The following PHLDB1 variants were observed in gnomAD, a reference collection of about 807,000 sequenced individuals.
The protein encoded by PHLDB1 is pleckstrin homology-like domain family B member 1.
A neutral mutation model predicts 139.3 loss-of-function variants in PHLDB1; 65 were observed. The observed-to-expected ratio is 0.47, with a 90% CI of 0.38 to 0.57. The LOEUF (loss-of-function observed/expected upper bound fraction) is 0.57. PHLDB1 is among the 20% of genes least tolerant of loss of function. The probability of loss-of-function intolerance (pLI) is 0.00; values close to 1 mark genes in which losing one functional copy is unlikely to be tolerated. For synonymous variants in PHLDB1, 679 were observed against 734.5 expected (o/e 0.92, Z 1.22); for missense variants, 1,624 against 1,839.7 (o/e 0.88, Z 2.14).
rs781801132 is a variant in PHLDB1 at position 118,628,460 on chromosome 11, C to G, written c.1637C>G (p.Ser546Cys). Residue 546 changes from serine to cysteine, a missense_variant, in exon 6 of 23, where the codon TCT (serine) becomes TGT (cysteine). Coordinates refer to ENST00000600882, the MANE Select transcript of PHLDB1 (RefSeq NM_001144758.3). ...CTGAGCCCAGCCTACAGTCTGGGCT[C>G]TCTTACTGGGGCTTCACCCTGCCAG... ...GRLSPAYSLG[S>C]LTGASPCQSP... 1.9e-6 allele frequency: 3 copies of G among 1,612,494 alleles called. No individual in the cohort carries two copies. Among genetic ancestry groups the G allele is most frequent in the South Asian group, 2.2e-5 (2 of 90,996 alleles).
At chr11:118,613,549 T>A in intron 1 of PHLDB1, 1 of 812,474 alleles carries the variant, frequency 1.2e-6, no homozygotes, top group Non-Finnish European at 1.6e-6. Flanking sequence ...AGCACAGAAG[T>A]ATAGATTGGG....
chr11:118,637,289 G>T (rs561719105), intron 10 of PHLDB1: 1 of 152,336 alleles, frequency 6.6e-6, no homozygotes, highest in South Asian at 2.1e-4. Flanking sequence ...CTCCTAATGG[G>T]TTCTTAGTAG....
rs900295461 is a variant in PHLDB1 at position 118,623,274 on chromosome 11, T to C, written c.356-1660T>C. ...AGGGGTGTGGACAAATTGGAAGGAT[T>C]GGTGGTAGAGAGCAACAGGGCTCTG... On this transcript the variant is annotated intron_variant, in intron 4 of 22. Transcript: ENST00000600882. Among the ~76,000 whole-genome samples, 4 of 151,974 alleles carry C rather than the reference T, an allele frequency of 2.6e-5. No individual in the cohort carries two copies. The East Asian group carries it at 7.7e-4, about 29-fold the overall frequency.
chr11:118,644,420 G>A (rs1004207147), intron 15 of PHLDB1: 24 of 539,256 alleles, frequency 4.5e-5, no homozygotes, highest in South Asian at 4.3e-4. Flanking sequence ...GCCAATAAGG[G>A]AACTGCTTGT....
chr11:118,642,606 C>T (rs1946765891), intron 13 of PHLDB1, among the ~76,000 whole-genome samples: 1 of 152,248 alleles, frequency 6.6e-6, no homozygotes. Context: ...TAGTCTAAAA[C>T]TATCTGATTG....
chr11:118,635,479 G>A lies in PHLDB1; in HGVS notation c.2466G>A (p.Glu822=). The A allele has an allele frequency of 1.2e-6, 2 of 1,611,642 alleles. No homozygotes were observed. The highest frequency in any genetic ancestry group is 1.1e-5 in the South Asian group (1 of 90,640). The change falls in exon 10 of 23, where the codon GAG becomes GAA. Residue 822 remains glutamate, a synonymous_variant. Coordinates refer to ENST00000600882, the MANE Select transcript of PHLDB1 (RefSeq NM_001144758.3). The part of the protein sequence containing the change: ...QLERESRVEE[E]RELAGQGLLR... The stretch of plus-strand genomic sequence containing the variant: ...AGCGGGAGAGCCGCGTGGAGGAGGA[G>A]CGCGAGCTGGCCGGCCAGGGGCTGC...
In PHLDB1 at chr11:118,628,414, A is replaced by G. The variant is rs1944237241; in HGVS notation, c.1591A>G (p.Lys531Glu). 1 of 1,611,176 alleles carries G rather than the reference A, an allele frequency of 6.2e-7. No individual in the cohort carries two copies. Among genetic ancestry groups the G allele is most frequent in the Non-Finnish European group, 8.5e-7 (1 of 1,178,994 alleles). ...PTLGESLAPH[K>E]GSFSGRLSPA... ...ACTGGGTGAGTCTCTGGCACCCCAC[A>G]AGGGCAGCTTCAGTGGCAGGCTGAG... The change falls in exon 6 of 23, where the codon AAG (lysine) becomes GAG (glutamate). Residue 531 changes from lysine to glutamate, a missense_variant. Lys to Glu is a moderately conservative substitution (Grantham distance 56). Coordinates refer to ENST00000600882, the MANE Select transcript of PHLDB1 (RefSeq NM_001144758.3).
At position 118,645,781 on chromosome 11, in the gene PHLDB1, C is replaced by T. The variant is rs782266806; in HGVS notation, c.3463C>T (p.Leu1155=). The T allele has an allele frequency of 2.5e-6, 4 of 1,613,594 alleles. No homozygotes were observed. The South Asian group carries it at 4.4e-5, about 18-fold the overall frequency. ...MGKIEEMEKM[L]KEAHAEKNRL... ...GAAGATCGAGGAGATGGAGAAGATG[C>T]TGAAAGAGGCTCATGCAGAGAAGAA... The change falls in exon 17 of 23, where the codon CTG becomes TTG. Residue 1155 remains leucine, a synonymous_variant. Coordinates refer to ENST00000600882, the MANE Select transcript of PHLDB1 (RefSeq NM_001144758.3). This position sits in a 1 kb window ranked among gnomAD's most constrained non-coding sequence, Gnocchi z 5.1.
chr11:118,650,264 C>A lies in PHLDB1; in HGVS notation c.3771+71C>A. On this transcript the variant is annotated intron_variant, in intron 19 of 22. Coordinates refer to ENST00000600882, the MANE Select transcript of PHLDB1 (RefSeq NM_001144758.3). This position sits in a 1 kb window ranked among gnomAD's most constrained non-coding sequence, Gnocchi z 4.7. The stretch of plus-strand genomic sequence containing the variant: ...CCGTGGTGAGAGGCACCTCCTGGGT[C>A]GTTGGAATAGTGGCGTCAGTCTCTA... 8.2e-7 allele frequency: 1 copy of A among 1,224,088 alleles called. No homozygotes were observed. Among genetic ancestry groups the A allele is most frequent in the South Asian group, 1.2e-5 (1 of 82,748 alleles). The allele number at this position is 1,224,088 out of a possible 1,614,324, so 75.8% of individuals were successfully genotyped here. A position where few individuals can be genotyped will look rare whatever the true frequency, so the allele number is the denominator to read the frequency against.
intron 9 of PHLDB1, chr11:118,633,878 T>C (rs1945182994): frequency 6.6e-6 from 1 of 152,198 alleles, no homozygotes; most frequent in Admixed American, 6.5e-5. Flanking sequence ...AGAAGGAACC[T>C]GCCTAACCTC....
chr11:118,650,264 C>G lies in PHLDB1; in HGVS notation c.3771+71C>G, dbSNP rs45537034. On this transcript the variant is annotated intron_variant, in intron 19 of 22. Transcript: ENST00000600882. The surrounding 1 kb of genome is among the most constrained non-coding windows in gnomAD (Gnocchi z 4.7). ...CCGTGGTGAGAGGCACCTCCTGGGT[C>G]GTTGGAATAGTGGCGTCAGTCTCTA... 7 of 1,223,978 alleles carry G rather than the reference C, an allele frequency of 5.7e-6. No individual in the cohort carries two copies. In the Admixed American group the frequency reaches 1.0e-4, roughly 18 times the overall value. 75.8% of individuals were successfully genotyped at this position (1,223,978 alleles called of 1,614,324 possible). A position where few individuals can be genotyped will look rare whatever the true frequency, so the allele number is the denominator to read the frequency against.
At chr11:118,628,680 G>A in intron 6 of PHLDB1, 30 bp downstream of exon 6, 1 of 1,577,974 alleles carries the variant, frequency 6.3e-7, no homozygotes, top group East Asian at 2.3e-5. Context: ...GCTTGCCACT[G>A]TCCATGGCAG....
In PHLDB1 at chr11:118,628,087, C is replaced by G. The variant is rs201776369; in HGVS notation, c.1264C>G (p.Arg422Gly). The G allele has an allele frequency of 3.7e-6, 6 of 1,613,876 alleles. No individual in the cohort carries two copies. Among genetic ancestry groups the G allele is most frequent in the Non-Finnish European group, 5.1e-6 (6 of 1,180,012 alleles). Residue 422 changes from arginine to glycine, a missense_variant, in exon 6 of 23, where the codon CGC becomes GGC. Arg to Gly is a moderately radical substitution (Grantham distance 125). Transcript: ENST00000600882. ...GCGGGTGCTAACAACCAGCCCCTCACGCCAACTGGTGGGCCGAACATTTTC... is the reference window on the plus strand; with the variant it reads ...GCGGGTGCTAACAACCAGCCCCTCAGGCCAACTGGTGGGCCGAACATTTTC... ...SERVLTTSPS[R>G]QLVGRTFSDG...
rs781800490 is a variant in PHLDB1, at chr11:118,631,334, G to A, written c.1955G>A (p.Arg652Lys). ...GCAGCATTGGCACTGGCAGGCCGGA[G>A]GCCCTCACGAGGCCTTGCAGGGGCC... ...ATAALALAGRRPSRGLAGASG... is the reference protein window; with the variant it reads ...ATAALALAGRKPSRGLAGASG... The change falls in exon 7 of 23, where the codon AGG becomes AAG. Residue 652 changes from arginine to lysine, a missense_variant. By Grantham distance (26) the Arg-to-Lys change is conservative. Transcript: ENST00000600882. 2.6e-6 allele frequency: 4 copies of A among 1,540,358 alleles called. No homozygotes were observed. The highest frequency in any genetic ancestry group is 2.5e-5 in the South Asian group (2 of 80,830).
intron 10 of PHLDB1, chr11:118,637,709 C>T (rs1368620406): frequency 2.0e-5 from 3 of 152,224 alleles, no homozygotes; most frequent in African/African-American, 7.2e-5. Flanking sequence ...TTTAACTCTT[C>T]CTTTCCCATG....
In PHLDB1 at chr11:118,624,977, C is replaced by T; in HGVS notation, c.399C>T (p.Asn133=). The change falls in exon 5 of 23, where the codon AAC becomes AAT. Residue 133 remains asparagine, a synonymous_variant. Transcript: ENST00000600882. ...CLGQSTFLRF[N]HPAEAKWMKS... ...GTCAGTCCACCTTCCTTCGCTTTAA[C>T]CACCCGGCTGAAGCCAAGTGGATGA... 1 of 1,614,078 alleles carries T rather than the reference C, an allele frequency of 6.2e-7. No individual in the cohort carries two copies.
intron 12 of PHLDB1, chr11:118,641,767 A>G (rs550127480): frequency 1.6e-6 from 2 of 1,289,292 alleles, no homozygotes; most frequent in East Asian, 1.1e-4. Flanking sequence ...GTTCGCTTCC[A>G]TCACGCCTTC....
At chr11:118,644,404 A>G in intron 15 of PHLDB1, 2 of 557,140 alleles carry the variant, frequency 3.6e-6, no homozygotes, top group South Asian at 4.1e-5. Flanking sequence ...TTTCCTAGAG[A>G]GCCTAGCCAA....
At chr11:118,631,636 G>A (rs1944822417) in intron 7 of PHLDB1, among the ~76,000 whole-genome samples, 157 bp downstream of exon 7, 1 of 152,188 alleles carries the variant, frequency 6.6e-6, no homozygotes, top group South Asian at 2.1e-4. Context: ...AGGAAGAGAA[G>A]GGAGGTGTTG....
Sources: allele counts gnomAD v4.1 joint callset (sites outside exome capture counted in the v4.1 genomes callset), GRCh38; gene constraint gnomAD v4.1.1; non-coding constraint Gnocchi (gnomAD v3.1); transcripts MANE v1.5; gene names NCBI Gene and HGNC (gene_info 2026-07-23, HGNC 2026-07-21).